NELL1: variants seen among roughly 807,000 people sequenced by gnomAD.
NELL1 encodes protein kinase C-binding protein NELL1.
In NELL1, 76 loss-of-function variants were observed where a neutral mutation model predicts 107.4. The observed-to-expected ratio is 0.71, with a 90% CI of 0.59 to 0.86. The LOEUF (loss-of-function observed/expected upper bound fraction) is 0.86. Among genes scored for constraint, NELL1 ranks in the 40% least tolerant of loss-of-function variants. NELL1 has a pLI of 0.00. For synonymous variants in NELL1, 353 were observed against 341.2 expected, an observed-to-expected ratio of 1.03 and a Z score of -0.38; for missense variants, 1,024 against 1,005.5, an observed-to-expected ratio of 1.02 and a Z score of -0.25.
intron 17 of NELL1, 29 bp from the exon 18 acceptor site, chr11:21,570,735 G>GA: frequency 6.2e-7 from 1 of 1,602,732 alleles, no homozygotes; most frequent in Non-Finnish European, 8.5e-7. Flanking sequence ...CCTAAATGAT[G>GA]AAACCTCCTT....
At chr11:20,810,718 T>C (rs1857485214) in intron 3 of NELL1, among the ~76,000 whole-genome samples, 1 of 152,190 alleles carries the variant, frequency 6.6e-6, no homozygotes, top group South Asian at 2.1e-4. Flanking sequence ...CCTCTTTTCC[T>C]CTGGGTAGAT....
In NELL1 at chr11:21,573,297, A is replaced by G; in HGVS notation, c.2270A>G (p.Asp757Gly). The change falls in exon 19 of 20, where the codon GAT (aspartate) becomes GGT (glycine). Residue 757 changes from aspartate to glycine, a missense_variant. Physicochemically the swap from Asp to Gly is moderately conservative, Grantham distance 94. Transcript: ENST00000357134. ...TGTGTCAGTGACCCCTGCCTAGCTG[A>G]TAACATCACCTATGACATCAGAAAA... ...PRCVSDPCLADNITYDIRKTC... is the reference protein window; with the variant it reads ...PRCVSDPCLAGNITYDIRKTC... 1.9e-6 allele frequency: 3 copies of G among 1,612,594 alleles called. No homozygotes were observed. Among genetic ancestry groups the G allele is most frequent in the Non-Finnish European group, 2.5e-6 (3 of 1,179,080 alleles).
In NELL1 at chr11:21,303,935, G is replaced by T. The variant is rs569720430; in HGVS notation, c.1550-66918G>T. On this transcript the variant is annotated intron_variant, in intron 14 of 19. Coordinates refer to ENST00000357134, the MANE Select transcript of NELL1 (RefSeq NM_006157.5). ...ATCACTGCGTCCTCACATGGTGGAA[G>T]GCAAAAGGGCAAAAGAGTCCTCTCT... is the stretch of plus-strand genomic sequence containing the variant. Among the ~76,000 whole-genome samples, 4 of 151,898 alleles carry T rather than the reference G, an allele frequency of 2.6e-5. No individual in the cohort carries two copies. The East Asian group carries it at 7.8e-4, about 30-fold the overall frequency.
chr11:21,231,204 A>C (rs189501099), intron 14 of NELL1, among the ~76,000 whole-genome samples: 1 of 152,164 alleles, frequency 6.6e-6, no homozygotes, highest in East Asian at 1.9e-4. Context: ...AGTATCATCA[A>C]ATATCTAAGT....
intron 12 of NELL1, among the ~76,000 whole-genome samples, chr11:21,097,366 C>T (rs973033424): frequency 1.3e-5 from 2 of 152,202 alleles, no homozygotes; most frequent in Admixed American, 6.6e-5. Context: ...GGGTGCCACT[C>T]GCATCAGTCA....
intron 7 of NELL1, among the ~76,000 whole-genome samples, chr11:20,925,980 A>G (rs1850487779): frequency 6.6e-6 from 1 of 152,190 alleles, no homozygotes; most frequent in African/African-American, 2.4e-5. Flanking sequence ...TATTATGTCT[A>G]AAATAGTGGC....
At chr11:21,045,338 A>G (rs1377733225) in intron 12 of NELL1, among the ~76,000 whole-genome samples, 2 of 152,116 alleles carry the variant, frequency 1.3e-5, no homozygotes, top group African/African-American at 4.8e-5. Flanking sequence ...GAGGGAAGAG[A>G]GTGTTGAAGG....
intron 13 of NELL1, among the ~76,000 whole-genome samples, chr11:21,130,934 G>A (rs1244686290): frequency 6.6e-6 from 1 of 152,084 alleles, no homozygotes; most frequent in East Asian, 1.9e-4. Flanking sequence ...TAGACTGGTG[G>A]GCATTAGTGG....
intron 2 of NELL1, among the ~76,000 whole-genome samples, chr11:20,692,793 C>T (rs1429334133): frequency 6.6e-6 from 1 of 152,128 alleles, no homozygotes; most frequent in African/African-American, 2.4e-5. Flanking sequence ...CTGTAGATGT[C>T]TATTAGGTCC....
intron 5 of NELL1, among the ~76,000 whole-genome samples, chr11:20,912,082 A>G (rs959199875): frequency 6.6e-6 from 1 of 152,204 alleles, no homozygotes; most frequent in African/African-American, 2.4e-5. Context: ...TCAGGTTAAA[A>G]TAACATTATT....
intron 13 of NELL1, among the ~76,000 whole-genome samples, chr11:21,119,389 A>AG (rs1208402366): frequency 6.8e-6 from 1 of 147,516 alleles, no homozygotes; most frequent in East Asian, 1.9e-4. Context: ...AAAAATTGAA[A>AG]AAAAAAAAAA....
chr11:20,715,559 G>A (rs979758311), intron 2 of NELL1, among the ~76,000 whole-genome samples: 1 of 152,120 alleles, frequency 6.6e-6, no homozygotes. Context: ...CCTACTTCAC[G>A]AAAGTGGAAA....
chr11:20,937,386 A>C (rs947104934), intron 9 of NELL1, among the ~76,000 whole-genome samples: 18 of 152,226 alleles, frequency 1.2e-4, no homozygotes, highest in Admixed American at 5.9e-4. Flanking sequence ...GGTTCTGAGG[A>C]ATGGAATATA....
At chr11:21,286,904 G>C (rs970595004) in intron 14 of NELL1, among the ~76,000 whole-genome samples, 1 of 152,070 alleles carries the variant, frequency 6.6e-6, no homozygotes, top group African/African-American at 2.4e-5. Flanking sequence ...TGAGTGTTAT[G>C]GTTGATACCG....
chr11:20,881,456 C>T (rs1849405584), intron 4 of NELL1, among the ~76,000 whole-genome samples: 1 of 152,160 alleles, frequency 6.6e-6, no homozygotes, highest in Non-Finnish European at 1.5e-5. Context: ...CCAGCGGTGT[C>T]ACTCACAAGC....
At chr11:20,893,855 T>TAAAAAAAAAA (rs10658756) in intron 5 of NELL1, among the ~76,000 whole-genome samples, 7 of 127,140 alleles carry the variant, frequency 5.5e-5, no homozygotes, top group East Asian at 2.3e-4. Context: ...GTGAGGTAGT[T>TAAAAAAAAAA]AAAAAAAAAA....
intron 14 of NELL1, among the ~76,000 whole-genome samples, chr11:21,289,158 T>C (rs1435348870): frequency 1.3e-5 from 2 of 152,214 alleles, no homozygotes; most frequent in African/African-American, 4.8e-5. Context: ...AGGAGCACTA[T>C]TGATGTGACC....
intron 12 of NELL1, among the ~76,000 whole-genome samples, chr11:20,980,768 GGC>G (rs1462007281): frequency 1.3e-5 from 2 of 152,126 alleles, no homozygotes; most frequent in African/African-American, 4.8e-5. Context: ...GGGAGTCCAA[GGC>G]CCTGGGATTC....
chr11:20,975,500 ATATAT>A (rs1851586844), intron 12 of NELL1, among the ~76,000 whole-genome samples: 3 of 146,908 alleles, frequency 2.0e-5, no homozygotes, highest in South Asian at 4.2e-4. Context: ...TACATATTCA[ATATAT>A]TATATATTAT....
Sources: gnomAD v4.1 joint callset for allele counts (sites outside exome capture counted in the v4.1 genomes callset) on GRCh38, gnomAD v4.1.1 for gene constraint, MANE v1.5 for transcripts, NCBI Gene and HGNC (gene_info 2026-07-23, HGNC 2026-07-21) for gene names.